Variants in BABAM2 observed in about 807,000 individuals in gnomAD.
BABAM2 encodes BRISC and BRCA1-A complex member 2.
BABAM2 carries 31 observed loss-of-function variants against 54.7 expected under a neutral mutation model. The ratio of observed to expected loss-of-function variants is 0.57; its 90% CI spans 0.43 to 0.77. The LOEUF is 0.77. BABAM2 is among the 30% of genes least tolerant of loss of function. BABAM2 has a pLI of 0.00. For synonymous variants in BABAM2, 167 were observed against 162.9 expected (o/e 1.03, Z -0.19); for missense variants, 364 against 455.8 (o/e 0.80, Z 1.83).
At chr2:28,323,171 A>G (rs921244340) in intron 11 of BABAM2, among the ~76,000 whole-genome samples, 6 of 152,228 alleles carry the variant, frequency 3.9e-5, no homozygotes, top group African/African-American at 1.4e-4. Flanking sequence ...TTACCCCTGC[A>G]GGAACCAGCC....
At chr2:28,112,189 C>T (rs186424424) in intron 6 of BABAM2, among the ~76,000 whole-genome samples, 423 of 30,722 alleles carry the variant, frequency 0.014, 82 homozygotes, top group South Asian at 0.044. Flanking sequence ...CTCCCTCCCT[C>T]CCTCCCTCCC....
intron 7 of BABAM2, among the ~76,000 whole-genome samples, chr2:28,220,188 T>C (rs1223184417): frequency 6.6e-6 from 1 of 152,154 alleles, no homozygotes; most frequent in African/African-American, 2.4e-5. Context: ...AGCAGCGGAA[T>C]GTGTGGGTTC....
intron 4 of BABAM2, among the ~76,000 whole-genome samples, chr2:28,006,971 C>T (rs867589255): frequency 3.1e-4 from 47 of 151,904 alleles, no homozygotes; most frequent in African/African-American, 1.1e-3. Context: ...GCCACCAGTT[C>T]TTTTAAAATA....
intron 3 of BABAM2, among the ~76,000 whole-genome samples, chr2:27,930,738 C>T (rs966761431): frequency 2.0e-5 from 3 of 152,186 alleles, no homozygotes; most frequent in African/African-American, 7.2e-5. Flanking sequence ...CCATCAGCTA[C>T]AGCAGCCCTC....
At chr2:28,217,124 T>G (rs1573863550) in intron 7 of BABAM2, among the ~76,000 whole-genome samples, 1 of 149,888 alleles carries the variant, frequency 6.7e-6, no homozygotes, top group Non-Finnish European at 1.5e-5. Context: ...GTTTCTTTCT[T>G]ATATTATTAT....
At chr2:28,105,940 C>CTT (rs376801082) in intron 6 of BABAM2, among the ~76,000 whole-genome samples, 29 of 141,838 alleles carry the variant, frequency 2.0e-4, no homozygotes, top group South Asian at 1.3e-3. Context: ...CAGCTCCTGT[C>CTT]TTTTTTTTTT....
At chr2:28,139,321 C>CAAAAAAA (rs768755922) in intron 7 of BABAM2, among the ~76,000 whole-genome samples, 78 of 86,986 alleles carry the variant, frequency 9.0e-4, no homozygotes, top group Middle Eastern at 6.3e-3. Flanking sequence ...AACTCCGTCT[C>CAAAAAAA]AAAAAAAAAA....
chr2:28,026,878 A>ATATATAGATATATATATT (rs1440003973), intron 5 of BABAM2, among the ~76,000 whole-genome samples: 4 of 57,488 alleles, frequency 7.0e-5, no homozygotes, highest in Non-Finnish European at 1.3e-4. Flanking sequence ...ATATATTTAT[A>ATATATAGATATATATATT]TATATATAGA....
chr2:27,980,712 C>T (rs1671940072), intron 3 of BABAM2, among the ~76,000 whole-genome samples: 1 of 135,848 alleles, frequency 7.4e-6, no homozygotes, highest in Admixed American at 8.0e-5. Context: ...AACTTCCTCC[C>T]CTTTTAGTAC....
intron 4 of BABAM2, among the ~76,000 whole-genome samples, chr2:27,988,715 TA>T (rs1369160417): frequency 6.6e-6 from 1 of 152,220 alleles, no homozygotes; most frequent in Non-Finnish European, 1.5e-5. Context: ...ACGTACTTAC[TA>T]AAAAAGTTGT....
At chr2:28,075,244 CA>C (rs770943139) in intron 6 of BABAM2, among the ~76,000 whole-genome samples, 1 of 152,180 alleles carries the variant, frequency 6.6e-6, no homozygotes, top group Non-Finnish European at 1.5e-5. Context: ...CTGGGACACA[CA>C]ACTGTCTGGA....
chr2:28,025,053 C>A (rs1311000212), intron 4 of BABAM2, among the ~76,000 whole-genome samples, 173 bp from the exon 5 acceptor site: 1 of 152,122 alleles, frequency 6.6e-6, no homozygotes, highest in Non-Finnish European at 1.5e-5. Flanking sequence ...GGAGAAATTG[C>A]CAATATCAAA....
At chr2:28,038,356 T>G (rs1331020989) in intron 5 of BABAM2, among the ~76,000 whole-genome samples, 2 of 152,238 alleles carry the variant, frequency 1.3e-5, no homozygotes, top group Admixed American at 6.5e-5. Flanking sequence ...TTTGATAGCA[T>G]TTATCACAGG....
intron 4 of BABAM2, among the ~76,000 whole-genome samples, chr2:27,994,253 G>C (rs1160324048): frequency 1.3e-5 from 2 of 152,158 alleles, no homozygotes; most frequent in African/African-American, 2.4e-5. Context: ...TGTATGTGTG[G>C]TAAGTACCAG....
chr2:28,335,154 CTTTTTTTTTT>C (rs56135926), intron 11 of BABAM2, among the ~76,000 whole-genome samples: 2 of 71,520 alleles, frequency 2.8e-5, no homozygotes. Flanking sequence ...CTCCCACCTT[CTTTTTTTTTT>C]TTTTTTTTTT....
chr2:28,309,460 T>TGG (rs1177086080), intron 11 of BABAM2: 1 of 152,024 alleles, frequency 6.6e-6, no homozygotes, highest in Non-Finnish European at 1.5e-5. Context: ...TGGAGAATCT[T>TGG]GGGGGTCACG....
chr2:28,159,268 A>T (rs1011698773), intron 7 of BABAM2, among the ~76,000 whole-genome samples: 1 of 152,194 alleles, frequency 6.6e-6, no homozygotes, highest in Admixed American at 6.5e-5. Flanking sequence ...ACTCAAGAAG[A>T]GTAGAGTCTA....
intron 6 of BABAM2, among the ~76,000 whole-genome samples, chr2:28,072,524 T>A (rs1385382036): frequency 1.3e-5 from 2 of 152,168 alleles, no homozygotes; most frequent in African/African-American, 4.8e-5. Context: ...TAGCTGGGAC[T>A]ACAGGTGCCC....
chr2:28,330,551 G>A (rs1244711145), intron 11 of BABAM2, among the ~76,000 whole-genome samples: 1 of 152,148 alleles, frequency 6.6e-6, no homozygotes, highest in Non-Finnish European at 1.5e-5. Context: ...GACAAGCAGA[G>A]AGCCAAATCA....
Sources: gnomAD v4.1 joint callset for allele counts (sites outside exome capture counted in the v4.1 genomes callset) on GRCh38, gnomAD v4.1.1 for gene constraint, MANE v1.5 for transcripts, NCBI Gene and HGNC (gene_info 2026-07-23, HGNC 2026-07-21) for gene names.